Variants in USP40 observed in about 807,000 individuals in gnomAD.
USP40 encodes the protein ubiquitin specific peptidase 40, also known as ubiquitin carboxyl-terminal hydrolase 40.
In USP40, 143 loss-of-function variants were observed where a neutral mutation model predicts 166.2. The ratio of observed to expected loss-of-function variants is 0.86; its 90% CI spans 0.75 to 0.99. The LOEUF (loss-of-function observed/expected upper bound fraction) is 0.99. USP40 is among the 50% of genes least tolerant of loss of function. The probability of loss-of-function intolerance (pLI) is 0.00; values close to 1 mark genes in which losing one functional copy is unlikely to be tolerated. For missense variants in USP40, 1,444 were observed against 1,479.7 expected (o/e 0.98, Z 0.40); for synonymous variants, 498 against 524.0 (o/e 0.95, Z 0.68).
Position 233,491,758 on chromosome 2 carries a change from C to A in USP40, c.2918-497G>T, listed in dbSNP as rs74517805. ...CAATGGGTGCCACATAGTAAATGCC[C>A]AATAAATGTTTATTTATAAGGAAAT... On this transcript the variant is annotated intron_variant, in intron 25 of 31. Coordinates refer to ENST00000678225, the MANE Select transcript of USP40 (RefSeq NM_001365479.2). Among the ~76,000 whole-genome samples the A allele has an allele frequency of 6.3e-3, 960 of 152,100 alleles. 21 individuals carry two copies. In the East Asian group the frequency reaches 0.083, roughly 13 times the overall value.
Position 233,498,629 on chromosome 2 carries a change from A to C in USP40, c.2651-17T>G. ...AGGCATCTCCTATAAAGGAGTCAAA[A>C]TTGGGATAAAAAAAATTCAAAGTTA... On this transcript the variant is annotated splice_polypyrimidine_tract_variant and intron_variant, in intron 22 of 31. Coordinates refer to ENST00000678225, the MANE Select transcript of USP40 (RefSeq NM_001365479.2). The C allele has an allele frequency of 6.2e-7, 1 of 1,609,588 alleles. No homozygotes were observed. Among genetic ancestry groups the C allele is most frequent in the South Asian group, 1.1e-5 (1 of 90,060 alleles).
At chr2:233,519,350 A>G (rs2067488295) in intron 18 of USP40, 1 of 363,914 alleles carries the variant, frequency 2.7e-6, no homozygotes, top group South Asian at 3.0e-5. Flanking sequence ...CATGGACTAG[A>G]TACACACCCA....
intron 18 of USP40, among the ~76,000 whole-genome samples, chr2:233,517,118 T>C (rs1288546829): frequency 6.6e-6 from 1 of 152,218 alleles, no homozygotes; most frequent in Admixed American, 6.5e-5. Flanking sequence ...GTATATGATT[T>C]TGAGTTCTTG....
At chr2:233,551,350 G>A (rs768522254) in intron 7 of USP40, 26 bp downstream of exon 7, 2 of 1,566,648 alleles carry the variant, frequency 1.3e-6, no homozygotes, top group African/African-American at 1.4e-5. Flanking sequence ...GGAAAAGAAA[G>A]AATTTAAAAA....
chr2:233,544,922 C>T (rs1465882299), intron 8 of USP40, among the ~76,000 whole-genome samples: 1 of 152,182 alleles, frequency 6.6e-6, no homozygotes, highest in Non-Finnish European at 1.5e-5. Context: ...AGCTGTATTG[C>T]TCTAAAACCA....
chr2:233,482,234 T>C (rs566418212), intron 30 of USP40, among the ~76,000 whole-genome samples: 7 of 152,034 alleles, frequency 4.6e-5, no homozygotes, highest in Non-Finnish European at 8.8e-5. Context: ...TTAAAAATTG[T>C]GGGGAGGCTG....
At chr2:233,552,549 A>G (rs1559280936) in intron 6 of USP40, among the ~76,000 whole-genome samples, 1 of 152,246 alleles carries the variant, frequency 6.6e-6, no homozygotes, top group Admixed American at 6.5e-5. Context: ...TAATGTGAAC[A>G]TGAAGTCTAA....
At chr2:233,547,434 G>A (rs1176896705) in intron 8 of USP40, among the ~76,000 whole-genome samples, 1 of 152,112 alleles carries the variant, frequency 6.6e-6, no homozygotes, top group Non-Finnish European at 1.5e-5. Flanking sequence ...TGAAAAGCTG[G>A]CTGAGTGTCA....
intron 31 of USP40, among the ~76,000 whole-genome samples, chr2:233,479,290 C>T (rs917142532): frequency 3.9e-5 from 6 of 152,270 alleles, no homozygotes; most frequent in Non-Finnish European, 8.8e-5. Context: ...CAGAGCCAGG[C>T]GCGGTGGCTC....
chr2:233,525,441 T>C (rs1326354522), intron 14 of USP40, 37 bp downstream of exon 14: 4 of 1,532,154 alleles, frequency 2.6e-6, no homozygotes, highest in East Asian at 4.5e-5. Flanking sequence ...AATGTAGATA[T>C]ATAGAGTGAG....
At chr2:233,507,734 T>C (rs967472337) in intron 21 of USP40, among the ~76,000 whole-genome samples, 10 of 152,074 alleles carry the variant, frequency 6.6e-5, no homozygotes, top group African/African-American at 2.4e-4. Context: ...GGTACAAAGT[T>C]ACAATCTAAT....
At chr2:233,487,488 T>G (rs1397845705) in intron 28 of USP40, among the ~76,000 whole-genome samples, 1 of 152,204 alleles carries the variant, frequency 6.6e-6, no homozygotes, top group Non-Finnish European at 1.5e-5. Context: ...CAACTTGTAT[T>G]AAGAATGTGT....
At chr2:233,494,505 A>G (rs545979477) in intron 24 of USP40, among the ~76,000 whole-genome samples, 1 of 152,278 alleles carries the variant, frequency 6.6e-6, no homozygotes, top group Non-Finnish European at 1.5e-5. Context: ...AAAGCCACAT[A>G]TGCAAGAATA....
intron 21 of USP40, among the ~76,000 whole-genome samples, chr2:233,509,834 T>C (rs1300258625): frequency 1.7e-5 from 2 of 116,596 alleles, no homozygotes; most frequent in Admixed American, 1.9e-4. Flanking sequence ...GAGTTGAGAC[T>C]CTCTAAAAAA....
chr2:233,552,298 A>T (rs2070650499), intron 6 of USP40, among the ~76,000 whole-genome samples: 1 of 152,012 alleles, frequency 6.6e-6, no homozygotes. Context: ...AAATGCATCT[A>T]AAAAAACTGA....
Position 233,494,926 on chromosome 2 carries a change from A to ATATATATT in USP40, c.2791-1376_2791-1375insAATATATA, listed in dbSNP as rs1559224050. On this transcript the variant is annotated intron_variant, in intron 24 of 31. Transcript: ENST00000678225. Reference sequence around the variant, plus strand: ...TACAAGCAAAATGGCATATATATATATATATATATATATATATATATATAT... The same window carrying ATATATATT: ...TACAAGCAAAATGGCATATATATATATATATATTTATATATATATATATATATATATAT... 1.7e-3 allele frequency among the ~76,000 whole-genome samples: 56 copies of ATATATATT among 32,002 alleles called. 1 individual carries two copies. Among genetic ancestry groups the ATATATATT allele is most frequent in the South Asian group, 6.6e-3 (9 of 1,354 alleles). 21.0% of individuals were successfully genotyped at this position (32,002 alleles called of 152,430 possible).
intron 26 of USP40, chr2:233,489,687 C>T (rs564456989): frequency 1.6e-5 from 8 of 496,554 alleles, no homozygotes; most frequent in Non-Finnish European, 2.8e-5. Context: ...TATTCCTCTG[C>T]ACTGAAATCA....
rs2070289408 is a variant in USP40, at chr2:233,549,141, T to C, written c.926A>G (p.Tyr309Cys). ...GGCYGGHYHV[Y>C]IKDVDHLGNW... ...TCCCAAATGATCAACATCTTTAATA[T>C]ATACATGGTAATGGCCTCCGTAGCA... Residue 309 changes from tyrosine (Y) to cysteine (C), a missense_variant, in exon 8 of 32, where the codon TAT becomes TGT. Tyr to Cys is a radical substitution (Grantham distance 194). Transcript: ENST00000678225. 1 of 1,602,888 alleles carries C rather than the reference T, an allele frequency of 6.2e-7. No homozygotes were observed. The highest frequency in any genetic ancestry group is 8.5e-7 in the Non-Finnish European group (1 of 1,173,960).
chr2:233,533,639 G>A lies in USP40; in HGVS notation c.1311C>T (p.Ser437=), dbSNP rs754347012. ...QQIFKMLPPE[S]PGLNNSISCP... is the part of the protein sequence containing the mutation. ...AGGAGATGCTATTGTTTAAACCTGG[G>A]GATTCTGGAGGAAGCATCTTGAAAA... Residue 437 remains serine, a synonymous_variant, in exon 11 of 32, where the codon TCC becomes TCT. Coordinates refer to ENST00000678225, the MANE Select transcript of USP40 (RefSeq NM_001365479.2). The A allele has an allele frequency of 6.2e-7, 1 of 1,613,688 alleles. No homozygotes were observed. The highest frequency in any genetic ancestry group is 1.1e-5 in the South Asian group (1 of 91,064).
Sources: allele counts gnomAD v4.1 joint callset (sites outside exome capture counted in the v4.1 genomes callset), GRCh38; gene constraint gnomAD v4.1.1; transcripts MANE v1.5; gene names NCBI Gene and HGNC (gene_info 2026-07-23, HGNC 2026-07-21).